SEMA3D: variants seen among roughly 807,000 people sequenced by gnomAD.
The protein encoded by SEMA3D is semaphorin-3D.
A neutral mutation model predicts 100.1 loss-of-function variants in SEMA3D; 84 were observed. The observed-to-expected ratio is 0.84, with a 90% CI of 0.70 to 1.01. The LOEUF (loss-of-function observed/expected upper bound fraction) is 1.01, where lower values mean the gene tolerates loss of function less well. Ranked by LOEUF, SEMA3D falls within the 50% of genes least tolerant of loss-of-function variation. The pLI, the probability that SEMA3D is intolerant of heterozygous loss-of-function variation, is 0.00. For synonymous variants in SEMA3D, 312 were observed against 320.7 expected (o/e 0.97, Z 0.29); for missense variants, 875 against 934.1 (o/e 0.94, Z 0.82).
At chr7:85,233,794 T>C in the SEMA3D span, among the ~76,000 whole-genome samples, 1 of 152,186 alleles carries the variant, frequency 6.6e-6, no homozygotes, top group East Asian at 1.9e-4. Context: ...CAAAACAATA[T>C]GCCAAACTTC....
intron 2 of SEMA3D, among the ~76,000 whole-genome samples, chr7:85,132,873 T>C (rs990916076): frequency 6.6e-6 from 1 of 151,958 alleles, no homozygotes; most frequent in Non-Finnish European, 1.5e-5. Flanking sequence ...TTAAAGAGCT[T>C]CTATCATTAA....
chr7:85,050,570 G>C, intron 9 of SEMA3D: 1 of 374,880 alleles, frequency 2.7e-6, no homozygotes, highest in Non-Finnish European at 4.8e-6. Flanking sequence ...GGCTCTCATT[G>C]ATCAATATTG....
At chr7:85,033,808 G>C (rs1163685351) in intron 12 of SEMA3D, among the ~76,000 whole-genome samples, 4 of 151,048 alleles carry the variant, frequency 2.6e-5, no homozygotes, top group African/African-American at 9.8e-5. Flanking sequence ...AGTATTAACA[G>C]AGTAAAATTG....
the SEMA3D span, among the ~76,000 whole-genome samples, chr7:85,227,963 A>G: frequency 6.6e-6 from 1 of 152,128 alleles, no homozygotes; most frequent in Non-Finnish European, 1.5e-5. Context: ...AAAATAATAA[A>G]TTGTTCTTGC....
the SEMA3D span, among the ~76,000 whole-genome samples, chr7:85,244,069 T>C: frequency 6.6e-6 from 1 of 152,184 alleles, no homozygotes; most frequent in Non-Finnish European, 1.5e-5. Flanking sequence ...GCTAGGTAAC[T>C]TATAAAGAAA....
intron 14 of SEMA3D, among the ~76,000 whole-genome samples, chr7:85,019,652 T>C (rs559845600): frequency 2.0e-5 from 3 of 151,806 alleles, no homozygotes; most frequent in Non-Finnish European, 4.4e-5. Flanking sequence ...AAACTTAATT[T>C]TACTGAGGAT....
At chr7:85,247,474 A>G in the SEMA3D span, among the ~76,000 whole-genome samples, 1 of 152,128 alleles carries the variant, frequency 6.6e-6, no homozygotes, top group South Asian at 2.1e-4. Context: ...CCTTGAATAT[A>G]TTAACAGTTA....
chr7:85,108,108 G>A (rs1222581656), intron 3 of SEMA3D, among the ~76,000 whole-genome samples: 2 of 151,906 alleles, frequency 1.3e-5, no homozygotes, highest in Admixed American at 6.6e-5. Flanking sequence ...TAAAATTTTG[G>A]TTTTATTTAT....
chr7:85,004,623 G>C (rs1234322448), intron 18 of SEMA3D, among the ~76,000 whole-genome samples: 1 of 152,076 alleles, frequency 6.6e-6, no homozygotes, highest in African/African-American at 2.4e-5. Flanking sequence ...CCTGGTGACA[G>C]CCTCTGTGCC....
intron 2 of SEMA3D, among the ~76,000 whole-genome samples, chr7:85,130,122 A>C (rs1562829499): frequency 6.6e-6 from 1 of 152,164 alleles, no homozygotes; most frequent in Non-Finnish European, 1.5e-5. Flanking sequence ...GCTATCTGGG[A>C]ACACAAATAG....
the SEMA3D span, among the ~76,000 whole-genome samples, chr7:85,210,908 T>A: frequency 0.61 from 93,255 of 151,824 alleles, 29,017 homozygotes; most frequent in East Asian, 0.89. Flanking sequence ...TCTGTTTTTA[T>A]TCATGTATTA....
At chr7:85,086,262 T>C (rs1329253462) in intron 4 of SEMA3D, among the ~76,000 whole-genome samples, 2 of 152,142 alleles carry the variant, frequency 1.3e-5, no homozygotes, top group African/African-American at 4.8e-5. Flanking sequence ...TGTGTCAATA[T>C]TGAAAAGATG....
chr7:85,051,602 C>CA (rs1791167085), intron 9 of SEMA3D, among the ~76,000 whole-genome samples: 1 of 151,912 alleles, frequency 6.6e-6, no homozygotes, highest in African/African-American at 2.4e-5. Flanking sequence ...TCCATAACTT[C>CA]AAGATCTGCC....
At chr7:85,075,755 C>A (rs1020951086) in intron 5 of SEMA3D, among the ~76,000 whole-genome samples, 16 of 152,170 alleles carry the variant, frequency 1.1e-4, no homozygotes, top group African/African-American at 7.2e-5. Context: ...GCTGCCTGGG[C>A]AAAAGAAATC....
chr7:85,001,893 T>G (rs1272639850), intron 18 of SEMA3D, among the ~76,000 whole-genome samples: 1 of 152,158 alleles, frequency 6.6e-6, no homozygotes, highest in Non-Finnish European at 1.5e-5. Context: ...CCACTTCTAG[T>G]TCATCTCTAG....
chr7:85,089,687 C>T (rs1317767758), intron 4 of SEMA3D, among the ~76,000 whole-genome samples: 1 of 151,960 alleles, frequency 6.6e-6, no homozygotes, highest in Non-Finnish European at 1.5e-5. Context: ...AAGTTTGAGA[C>T]CAGACTGGGC....
At chr7:85,044,456 G>T (rs1790951176) in intron 9 of SEMA3D, among the ~76,000 whole-genome samples, 1 of 151,888 alleles carries the variant, frequency 6.6e-6, no homozygotes, top group Admixed American at 6.6e-5. Flanking sequence ...TTCTTTATTT[G>T]TTCTTTAGGT....
chr7:85,188,745 T>C (rs1791629326), upstream of SEMA3D, among the ~76,000 whole-genome samples: 1 of 152,174 alleles, frequency 6.6e-6, no homozygotes, highest in South Asian at 2.1e-4. Context: ...CTTTCTCTTT[T>C]AAGTTGTAGC....
rs202123868 is a variant in SEMA3D, at chr7:85,022,589, G to T, written c.1216C>A (p.Leu406Met). 3.7e-6 allele frequency: 6 copies of T among 1,611,974 alleles called. No individual in the cohort carries two copies. Among genetic ancestry groups the T allele is most frequent in the Middle Eastern group, 3.3e-4 (2 of 6,040 alleles). Reference sequence around the variant, plus strand: ...GGAAAATCTCGGGTGGACTTAATCAGTGGGTCATAGGTTTTGCTTGGACAC... The same window carrying T: ...GGAAAATCTCGGGTGGACTTAATCATTGGGTCATAGGTTTTGCTTGGACAC... ...GTCPSKTYDP[L>M]IKSTRDFPDD... Residue 406 changes from leucine to methionine, a missense_variant, in exon 13 of 19, where the codon CTG (leucine) becomes ATG (methionine). Coordinates refer to ENST00000284136, the MANE Select transcript of SEMA3D (RefSeq NM_001384900.1).
Sources: gnomAD v4.1 joint callset for allele counts (sites outside exome capture counted in the v4.1 genomes callset) on GRCh38, gnomAD v4.1.1 for gene constraint, MANE v1.5 for transcripts, NCBI Gene and HGNC (gene_info 2026-07-23, HGNC 2026-07-21) for gene names.